Variants in TPM4 observed in about 807,000 individuals in gnomAD.
TPM4 encodes tropomyosin 4.
A neutral mutation model predicts 35.8 loss-of-function variants in TPM4; 17 were observed. That is an observed-to-expected ratio of 0.47 (90% CI 0.32 to 0.71). The LOEUF (loss-of-function observed/expected upper bound fraction) is 0.71, where lower values mean the gene tolerates loss of function less well. TPM4 is among the 30% of genes least tolerant of loss of function. The pLI, the probability that TPM4 is intolerant of heterozygous loss-of-function variation, is 0.03. For missense variants in TPM4, 240 were observed against 320.9 expected, an observed-to-expected ratio of 0.75 and a Z score of 1.93; for synonymous variants, 120 against 122.9, an observed-to-expected ratio of 0.98 and a Z score of 0.15.
chr19:16,076,679 G>A lies in TPM4; in HGVS notation c.114G>A (p.Glu38=), dbSNP rs930169922. Residue 38 remains glutamate, a synonymous_variant, in exon 1 of 8, where the codon GAG becomes GAA. Transcript: ENST00000643579. ...GCCTGCAGCGGGAGCTGGACGGCGA[G>A]CGCGAGCGGCGCGAGAAAGTGAGCG... ...AQGLQRELDG[E]RERREKAEGD... is the part of the protein sequence containing the mutation. 5 of 1,367,936 alleles carry A rather than the reference G, an allele frequency of 3.7e-6. No homozygotes were observed. Among genetic ancestry groups the A allele is most frequent in the Non-Finnish European group, 4.7e-6 (5 of 1,061,930 alleles). The allele number at this position is 1,367,936 out of a possible 1,614,324, so 84.7% of individuals were successfully genotyped here. A position where few individuals can be genotyped will look rare whatever the true frequency, so the allele number is the denominator to read the frequency against.
At chr19:16,078,830 T>TTA (rs572877651) in intron 1 of TPM4, among the ~76,000 whole-genome samples, 1 of 126,406 alleles carries the variant, frequency 7.9e-6, no homozygotes. Context: ...AGGGGTGGGT[T>TTA]AAAAAAAAAA....
At chr19:16,081,798 C>G in intron 1 of TPM4, 115 bp from the exon 2 acceptor site, 3 of 1,366,272 alleles carry the variant, frequency 2.2e-6, no homozygotes, top group Middle Eastern at 2.9e-4. Context: ...GGCCTGGACT[C>G]CTGGGTGGGC....
At chr19:16,084,851 T>C (rs1210349860) in intron 2 of TPM4, among the ~76,000 whole-genome samples, 1 of 152,144 alleles carries the variant, frequency 6.6e-6, no homozygotes, top group Non-Finnish European at 1.5e-5. Context: ...CGTGAACATA[T>C]TTATTGGACA....
rs1568314877 is a variant in TPM4, at chr19:16,101,933, ATCT to A, written c.*591_*593del. The stretch of plus-strand genomic sequence containing the variant: ...CCACTCTCCACCATGCAGGACAAAC[ATCT>A]TCTCAAGCAGTCAACGTAGAATGCT... On this transcript the variant is annotated 3_prime_UTR_variant, in exon 8 of 8. Coordinates refer to ENST00000643579, the MANE Select transcript of TPM4 (RefSeq NM_003290.3). The A allele has an allele frequency of 4.4e-6, 1 of 224,876 alleles. No homozygotes were observed. Among genetic ancestry groups the A allele is most frequent in the African/African-American group, 2.2e-5 (1 of 44,844 alleles). The allele number at this position is 224,876 out of a possible 1,614,324, so 13.9% of individuals were successfully genotyped here.
In TPM4 at chr19:16,070,956, C is replaced by A. The variant is rs1189623882; in HGVS notation, c.114+3218C>A. Among the ~76,000 whole-genome samples, 1 of 152,172 alleles carries A rather than the reference C, an allele frequency of 6.6e-6. No homozygotes were observed. The highest frequency in any genetic ancestry group is 1.5e-5 in the Non-Finnish European group (1 of 68,028). On this transcript the variant is annotated intron_variant, in intron 2 of 2. Coordinates refer to the TPM4 transcript ENST00000589897. The surrounding 1 kb of genome is among the most constrained non-coding windows in gnomAD (Gnocchi z 7.4). ...ACTTAGCCAGAGATTCGGAGAGAAA[C>A]AAGTTTATAGCACTAATTCTTACTA...
intron 2 of TPM4, 32 bp downstream of exon 2, chr19:16,082,078 G>GT (rs1393776077): frequency 6.3e-7 from 1 of 1,580,858 alleles, no homozygotes; most frequent in South Asian, 1.1e-5. Flanking sequence ...TGGCATCCGT[G>GT]TTTGCTTTTA....
chr19:16,088,297 CA>C, intron 4 of TPM4, 200 bp downstream of exon 4: 2 of 1,402,374 alleles, frequency 1.4e-6, no homozygotes, highest in Non-Finnish European at 1.9e-6. Flanking sequence ...AAGCACTGCC[CA>C]CGTGTTGACC....
intron 7 of TPM4, chr19:16,095,460 T>C (rs2144958890): frequency 9.8e-7 from 1 of 1,024,904 alleles, no homozygotes. Context: ...AGCCTTCTTC[T>C]GATGTGTCTG....
chr19:16,096,936 CTTTTT>C lies in TPM4; in HGVS notation c.664+3213_664+3217del, dbSNP rs71178641. 6.5e-3 allele frequency among the ~76,000 whole-genome samples: 448 copies of C among 68,790 alleles called. 1 individual carries two copies. Among genetic ancestry groups the C allele is most frequent in the African/African-American group, 0.024 (421 of 17,768 alleles). The allele number at this position is 68,790 out of a possible 152,430, so 45.1% of individuals were successfully genotyped here. A position where few individuals can be genotyped will look rare whatever the true frequency, so the allele number is the denominator to read the frequency against. On this transcript the variant is annotated intron_variant, in intron 7 of 7. Transcript: ENST00000643579. ...GGAATATGGAGAAAACAAGGTCACT[CTTTTT>C]TTTTTTTTTTTTTTTTTTTTTTTTT...
Position 16,088,937 on chromosome 19 carries a change from G to T in TPM4, c.456-108G>T, listed in dbSNP as rs529178870. ...CCCCACATTCCTTCTGCCCCCCACC[G>T]GGGGAGCTGTGTAGGTTTCTCCTTT... On this transcript the variant is annotated intron_variant, in intron 4 of 7. Coordinates refer to ENST00000643579, the MANE Select transcript of TPM4 (RefSeq NM_003290.3). The T allele has an allele frequency of 1.2e-5, 19 of 1,554,868 alleles. No homozygotes were observed. The South Asian group carries it at 1.9e-4, about 16-fold the overall frequency.
chr19:16,078,844 A>AAAAAAAAAAC (rs1555707583), intron 1 of TPM4, among the ~76,000 whole-genome samples: 1 of 151,768 alleles, frequency 6.6e-6, no homozygotes, highest in Non-Finnish European at 1.5e-5. Flanking sequence ...AAAAAAAAAA[A>AAAAAAAAAAC]AAAAACCTTT....
At chr19:16,078,843 A>C (rs1599365605) in intron 1 of TPM4, among the ~76,000 whole-genome samples, 2 of 151,922 alleles carry the variant, frequency 1.3e-5, no homozygotes, top group African/African-American at 4.8e-5. Flanking sequence ...AAAAAAAAAA[A>C]AAAAAACCTT....
chr19:16,081,699 C>A, intron 1 of TPM4: 1 of 463,872 alleles, frequency 2.2e-6, no homozygotes, highest in Non-Finnish European at 3.5e-6. Flanking sequence ...TGGCGATGCT[C>A]ATCTTTTGCT....
chr19:16,099,346 C>G lies in TPM4; in HGVS notation c.665-1918C>G, dbSNP rs1599386688. Among the ~76,000 whole-genome samples the G allele has an allele frequency of 3.3e-5, 5 of 151,298 alleles. No individual in the cohort carries two copies. The South Asian group carries it at 1.1e-3, about 32-fold the overall frequency. ...TCCATGGTGTCTCATGCCAGTAATC[C>G]CAGCACTTTGGGAGGCCGAGGTGGG... On this transcript the variant is annotated intron_variant, in intron 7 of 7. Transcript: ENST00000643579.
At chr19:16,080,874 T>A (rs1264511962) in intron 1 of TPM4, 3 of 394,874 alleles carry the variant, frequency 7.6e-6, no homozygotes, top group Admixed American at 4.4e-5. Context: ...GGCCCTGGAG[T>A]TCCTGGTTTA....
rs1013201408 is a variant in TPM4 at position 16,102,392 on chromosome 19, A to G, written c.*1046A>G. 8 of 217,032 alleles carry G rather than the reference A, an allele frequency of 3.7e-5. No homozygotes were observed. In the South Asian group the frequency reaches 5.5e-4, roughly 15 times the overall value. 13.4% of individuals were successfully genotyped at this position (217,032 alleles called of 1,614,324 possible). On this transcript the variant is annotated 3_prime_UTR_variant, in exon 8 of 8. Transcript: ENST00000643579. ...TGAAGAGCAAATGTCTCATTCCAGT[A>G]ATGACCCACTCAGCAGGAATATGGT...
chr19:16,099,829 A>C (rs2090744200), intron 7 of TPM4: 1 of 152,044 alleles, frequency 6.6e-6, no homozygotes, highest in Non-Finnish European at 1.5e-5. Flanking sequence ...AAATTGTTTC[A>C]TCAGCTCAGT....
Position 16,088,031 on chromosome 19 carries a change from C to G in TPM4, c.389C>G (p.Ala130Gly), listed in dbSNP as rs371728238. The G allele has an allele frequency of 2.5e-6, 4 of 1,610,880 alleles. No homozygotes were observed. Among genetic ancestry groups the G allele is most frequent in the Non-Finnish European group, 3.4e-6 (4 of 1,179,068 alleles). Residue 130 changes from alanine (A) to glycine (G), a missense_variant, in exon 4 of 8, where the codon GCT (alanine) becomes GGT (glycine). Physicochemically the swap from Ala to Gly is moderately conservative, Grantham distance 60 (BLOSUM62 0). Transcript: ENST00000643579. Reference sequence around the variant, plus strand: ...TGGGCCTTTCTGTCTCTGCAGGTAGCTCGTAAGCTGGTCATCCTGGAGGGT... The same window carrying G: ...TGGGCCTTTCTGTCTCTGCAGGTAGGTCGTAAGCTGGTCATCCTGGAGGGT... ...EEADRKYEEV[A>G]RKLVILEGEL... is the part of the protein sequence containing the mutation.
upstream of TPM4, among the ~76,000 whole-genome samples, chr19:16,073,240 T>G (rs2090372544): frequency 6.6e-6 from 1 of 151,964 alleles, no homozygotes; most frequent in Non-Finnish European, 1.5e-5. Context: ...GATGAGTCCA[T>G]GCTGTCAGAT....
Sources: allele counts gnomAD v4.1 joint callset (sites outside exome capture counted in the v4.1 genomes callset), GRCh38; gene constraint gnomAD v4.1.1; non-coding constraint Gnocchi (gnomAD v3.1); transcripts MANE v1.5; gene names NCBI Gene and HGNC (gene_info 2026-07-23, HGNC 2026-07-21).